Variants in NOL9 observed in about 807,000 individuals in gnomAD.
The protein encoded by NOL9 is nucleolar protein 9, also known as polynucleotide 5'-hydroxyl-kinase NOL9.
In NOL9, 28 loss-of-function variants were observed where a neutral mutation model predicts 67.9. The observed-to-expected ratio is 0.41, with a 90% CI of 0.31 to 0.57. The LOEUF is 0.57. NOL9 is among the 20% of genes least tolerant of loss of function. The pLI is 0.25. For synonymous variants in NOL9, 356 were observed against 352.2 expected (o/e 1.01, Z -0.12); for missense variants, 777 against 897.0 (o/e 0.87, Z 1.71).
chr1:6,524,516 C>T lies in NOL9; in HGVS notation c.*1338G>A, dbSNP rs1241997216. 3 of 152,202 alleles carry T rather than the reference C, an allele frequency of 2.0e-5. No individual in the cohort carries two copies. Among genetic ancestry groups the T allele is most frequent in the Non-Finnish European group, 2.9e-5 (2 of 68,106 alleles). 9.4% of individuals were successfully genotyped at this position (152,202 alleles called of 1,614,324 possible). A position where few individuals can be genotyped will look rare whatever the true frequency, so the allele number is the denominator to read the frequency against. On this transcript the variant is annotated 3_prime_UTR_variant, in exon 12 of 12. Transcript: ENST00000377705. ...CAGTCTGGTCACCAGCCGCCGGCAC[C>T]CCCAGGAAAAAGCTCTAAATGGCAG...
chr1:6,554,509 T>C lies in NOL9; in HGVS notation c.-7A>G, dbSNP rs763864208. 1 of 1,519,264 alleles carries C rather than the reference T, an allele frequency of 6.6e-7. No homozygotes were observed. The highest frequency in any genetic ancestry group is 8.7e-7 in the Non-Finnish European group (1 of 1,148,762). 94.1% of individuals were successfully genotyped at this position (1,519,264 alleles called of 1,614,324 possible). A position where few individuals can be genotyped will look rare whatever the true frequency, so the allele number is the denominator to read the frequency against. ...GCAGTCCCGAGTCCGCCATGCTGGG[T>C]CCTCAGGGCCTACCGCGCGAGAATC... On this transcript the variant is annotated 5_prime_UTR_variant, in exon 1 of 12. Coordinates refer to ENST00000377705, the MANE Select transcript of NOL9 (RefSeq NM_024654.5).
In NOL9 at chr1:6,533,375, T is replaced by C; in HGVS notation, c.1142A>G (p.Asn381Ser). ...TATGTCAATATAATTCTCATAGTTG[T>C]TTTTACAAGAAGGTTTCCCATAATA... ...MVYYGKPSCK[N>S]NYENYIDIVK... The change falls in exon 7 of 12, where the codon AAC becomes AGC. Residue 381 changes from asparagine (N) to serine (S), a missense_variant. Transcript: ENST00000377705. 1 of 1,613,318 alleles carries C rather than the reference T, an allele frequency of 6.2e-7. No individual in the cohort carries two copies. Among genetic ancestry groups the C allele is most frequent in the Non-Finnish European group, 8.5e-7 (1 of 1,179,464 alleles).
At chr1:6,529,391 C>T (rs1295999752) in intron 9 of NOL9, among the ~76,000 whole-genome samples, 1 of 151,960 alleles carries the variant, frequency 6.6e-6, no homozygotes, top group African/African-American at 2.4e-5. Flanking sequence ...GAGTTCAAGA[C>T]CAGCCTGACC....
rs1270665339 is a variant in NOL9, at chr1:6,523,861, A to G, written c.*1993T>C. On this transcript the variant is annotated 3_prime_UTR_variant, in exon 12 of 12. Coordinates refer to ENST00000377705, the MANE Select transcript of NOL9 (RefSeq NM_024654.5). ...GACTGAAGAAAAAGACTTGACCTTC[A>G]TACAGGCCGCATTTAAAGCCTGAAG... 11 of 152,226 alleles carry G rather than the reference A, an allele frequency of 7.2e-5. No individual in the cohort carries two copies. Among genetic ancestry groups the G allele is most frequent in the Admixed American group, 7.2e-4 (11 of 15,278 alleles). 9.4% of individuals were successfully genotyped at this position (152,226 alleles called of 1,614,324 possible). A position where few individuals can be genotyped will look rare whatever the true frequency, so the allele number is the denominator to read the frequency against.
At chr1:6,541,800 C>T in intron 6 of NOL9, 30 bp downstream of exon 6, 2 of 1,364,062 alleles carry the variant, frequency 1.5e-6, no homozygotes, top group Non-Finnish European at 2.0e-6. Flanking sequence ...TTCATAAAAC[C>T]AAGACATTTG....
intron 3 of NOL9, among the ~76,000 whole-genome samples, chr1:6,545,898 A>T (rs1001899005): frequency 8.6e-6 from 1 of 116,412 alleles, no homozygotes; most frequent in Non-Finnish European, 1.6e-5. Flanking sequence ...TGGGCGACAG[A>T]GGGAGACTGT....
intron 5 of NOL9, among the ~76,000 whole-genome samples, chr1:6,544,543 A>AC (rs33922236): frequency 0.15 from 3,533 of 24,130 alleles, 201 homozygotes; most frequent in African/African-American, 0.27. Context: ...GCACACACGC[A>AC]CCCCCCCCCC....
At chr1:6,544,100 TG>T (rs143745374) in intron 5 of NOL9, among the ~76,000 whole-genome samples, 2 of 152,182 alleles carry the variant, frequency 1.3e-5, no homozygotes, top group African/African-American at 4.8e-5. Flanking sequence ...CACTCCAGCC[TG>T]GGTGAGTGAA....
At position 6,549,654 on chromosome 1, in the gene NOL9, T is replaced by C. The variant is rs368062330; in HGVS notation, c.661A>G (p.Ile221Val). The C allele has an allele frequency of 4.3e-6, 7 of 1,614,012 alleles. No individual in the cohort carries two copies. The highest frequency in any genetic ancestry group is 2.7e-5 in the African/African-American group (2 of 74,902). The change falls in exon 3 of 12, where the codon ATT becomes GTT. Residue 221 changes from isoleucine to valine, a missense_variant. Transcript: ENST00000377705. The stretch of plus-strand genomic sequence containing the variant: ...GTTTTCAGATGTTCTAGCAACACAA[T>C]GGAACACTGAGGAGAAAAATTCTGC... ...SMQNFSPQCS[I>V]VLLEHLKTAT... is the part of the protein sequence containing the mutation.
At chr1:6,537,124 T>A (rs528885578) in intron 6 of NOL9, among the ~76,000 whole-genome samples, 32 of 151,574 alleles carry the variant, frequency 2.1e-4, no homozygotes, top group African/African-American at 7.5e-4. Flanking sequence ...CTGACAAAGG[T>A]GCTAATAACA....
At chr1:6,535,204 A>G (rs1294463273) in intron 6 of NOL9, among the ~76,000 whole-genome samples, 6 of 152,214 alleles carry the variant, frequency 3.9e-5, no homozygotes, top group African/African-American at 1.4e-4. Flanking sequence ...AATATGCAAT[A>G]TATGCTAGCT....
At chr1:6,550,652 C>A in intron 1 of NOL9, 37 bp from the exon 2 acceptor site, 5 of 1,267,992 alleles carry the variant, frequency 3.9e-6, no homozygotes, top group South Asian at 2.4e-5. Flanking sequence ...CATTATAGAT[C>A]ATGTCACTAA....
At chr1:6,546,947 C>T (rs963722991) in intron 3 of NOL9, among the ~76,000 whole-genome samples, 1 of 152,204 alleles carries the variant, frequency 6.6e-6, no homozygotes, top group African/African-American at 2.4e-5. Context: ...CTACAGCCAG[C>T]GCTTTCTCAG....
chr1:6,533,467 G>C, intron 6 of NOL9, 26 bp from the exon 7 acceptor site: 1 of 1,540,476 alleles, frequency 6.5e-7, no homozygotes, highest in South Asian at 1.2e-5. Context: ...TGAGTAATCA[G>C]ATGAGTAAGG....
chr1:6,553,909 C>G (rs1639602560), intron 1 of NOL9, among the ~76,000 whole-genome samples, 198 bp downstream of exon 1: 1 of 152,116 alleles, frequency 6.6e-6, no homozygotes, highest in Admixed American at 6.5e-5. Flanking sequence ...CCTAGGGACC[C>G]CTTAGCAGGG....
rs774531682 is a variant in NOL9 at position 6,532,065 on chromosome 1, T to C, written c.1550A>G (p.Lys517Arg). 6.2e-7 allele frequency: 1 copy of C among 1,614,094 alleles called. No homozygotes were observed. Among genetic ancestry groups the C allele is most frequent in the Non-Finnish European group, 8.5e-7 (1 of 1,179,948 alleles). ...CAAGATGGACAGATCTCGAAGAATT[T>C]TGTTATGTGACTCTCTGAAAGGCAA... Reference protein sequence around the residue: ...ITPRNRESHNKILRDLSILSY... With the variant: ...ITPRNRESHNRILRDLSILSY... Residue 517 changes from lysine (K) to arginine (R), a missense_variant, in exon 9 of 12, where the codon AAA becomes AGA. Physicochemically the swap from Lys to Arg is conservative, Grantham distance 26. This residue lies in a region of NOL9 where 413 missense variants were observed against 552.6 expected (regional missense o/e 0.75). Transcript: ENST00000377705.
intron 3 of NOL9, among the ~76,000 whole-genome samples, chr1:6,546,992 TGTTCA>T (rs1266809513): frequency 1.5e-4 from 23 of 152,332 alleles, no homozygotes; most frequent in African/African-American, 4.1e-4. Flanking sequence ...TCGCCACCGC[TGTTCA>T]GTTAACTCTC....
chr1:6,554,487 G>A lies in NOL9; in HGVS notation c.16C>T (p.Leu6=). ...CGGCAGGAACCCCGCTTTAGCAGCA[G>A]TCCCGAGTCCGCCATGCTGGGTCCT... The part of the protein sequence containing the change: MADSG[L]LLKRGSCRST... The change falls in exon 1 of 12, where the codon CTG becomes TTG. Residue 6 remains leucine (L), a synonymous_variant. Transcript: ENST00000377705. 6.5e-7 allele frequency: 1 copy of A among 1,542,242 alleles called. No individual in the cohort carries two copies. The highest frequency in any genetic ancestry group is 1.2e-5 in the South Asian group (1 of 85,236).
intron 6 of NOL9, chr1:6,540,954 T>C (rs1245600720): frequency 6.6e-6 from 1 of 151,366 alleles, no homozygotes; most frequent in Admixed American, 6.6e-5. Context: ...TTTTAAGTGA[T>C]GTAGAACTGT....
Sources: gnomAD v4.1 joint callset for allele counts (sites outside exome capture counted in the v4.1 genomes callset) on GRCh38, gnomAD v4.1.1 for gene constraint, gnomAD v4.1.1 regional missense constraint, MANE v1.5 for transcripts, NCBI Gene and HGNC (gene_info 2026-07-23, HGNC 2026-07-21) for gene names.